GLIS3: variants seen among roughly 807,000 people sequenced by gnomAD.
The protein encoded by GLIS3 is GLIS family zinc finger 3, also known as zinc finger protein GLIS3.
A neutral mutation model predicts 78.6 loss-of-function variants in GLIS3; 53 were observed. That is an observed-to-expected ratio of 0.67 (90% confidence interval 0.54 to 0.85). The LOEUF is 0.85. Among genes scored for constraint, GLIS3 ranks in the 40% least tolerant of loss-of-function variants. GLIS3 has a pLI of 0.00. For synonymous variants in GLIS3, 684 were observed against 509.9 expected, an observed-to-expected ratio of 1.34 and a Z score of -4.60; for missense variants, 1,703 against 1,231.1, an observed-to-expected ratio of 1.38 and a Z score of -5.74.
chr9:4,114,315 G>A (rs1217230214), intron 4 of GLIS3, among the ~76,000 whole-genome samples: 1 of 152,106 alleles, frequency 6.6e-6, no homozygotes, highest in East Asian at 1.9e-4. Flanking sequence ...GCACTCTGTT[G>A]GAACCATTCA....
rs1373302816 is a variant in GLIS3, at chr9:3,898,702, T to G, written c.2117A>C (p.Asp706Ala). 1 of 1,613,944 alleles carries G rather than the reference T, an allele frequency of 6.2e-7. No individual in the cohort carries two copies. Among genetic ancestry groups the G allele is most frequent in the East Asian group, 2.2e-5 (1 of 44,880 alleles). The change falls in exon 7 of 11, where the codon GAC becomes GCC. Residue 706 changes from aspartate (D) to alanine (A), a missense_variant. Asp to Ala is a moderately radical substitution (Grantham distance 126). Transcript: ENST00000381971. ...TVGRSPGPGPDLYSAPIFSSN... is the reference protein window; with the variant it reads ...TVGRSPGPGPALYSAPIFSSN... ...TTTGCTGTCTTTACCTGAATAGAGGTCAGGCCCGGGTCCAGGGGAGCGTCC... is the reference window on the plus strand; with the variant it reads ...TTTGCTGTCTTTACCTGAATAGAGGGCAGGCCCGGGTCCAGGGGAGCGTCC...
At chr9:4,157,161 T>C (rs1046734504) in intron 2 of GLIS3, among the ~76,000 whole-genome samples, 3 of 152,212 alleles carry the variant, frequency 2.0e-5, no homozygotes, top group Admixed American at 2.0e-4. Flanking sequence ...CTATTTGTTA[T>C]GAGCTAGGCT....
intron 4 of GLIS3, chr9:3,975,046 G>T (rs1428788554): frequency 6.6e-6 from 1 of 152,066 alleles, no homozygotes; most frequent in Admixed American, 6.6e-5. Context: ...AGCTGGAATG[G>T]GAAAAGATTA....
chr9:3,886,881 C>G (rs536615552), intron 7 of GLIS3, among the ~76,000 whole-genome samples: 53 of 152,188 alleles, frequency 3.5e-4, no homozygotes, highest in Non-Finnish European at 5.9e-4. Flanking sequence ...CTCAGCTAAT[C>G]TTAGCCTTGC....
chr9:4,045,354 G>C (rs899151442), intron 4 of GLIS3, among the ~76,000 whole-genome samples: 1 of 151,854 alleles, frequency 6.6e-6, no homozygotes, highest in Non-Finnish European at 1.5e-5. Context: ...AATTTTTTTT[G>C]AGCCGGAATC....
intron 6 of GLIS3, among the ~76,000 whole-genome samples, chr9:3,909,422 T>G (rs1823980550): frequency 6.6e-6 from 1 of 152,168 alleles, no homozygotes; most frequent in African/African-American, 2.4e-5. Flanking sequence ...AATGACCAAT[T>G]TGCAAAGAGG....
intron 4 of GLIS3, among the ~76,000 whole-genome samples, chr9:4,055,410 G>A (rs1416271940): frequency 6.6e-6 from 1 of 152,076 alleles, no homozygotes; most frequent in Non-Finnish European, 1.5e-5. Flanking sequence ...CCCCTTTACT[G>A]AACTCTTTCC....
At chr9:3,829,258 G>T in intron 10 of GLIS3, 52 bp downstream of exon 10, 1 of 1,550,174 alleles carries the variant, frequency 6.5e-7, no homozygotes, top group African/African-American at 1.4e-5. Context: ...CAGCCCACCT[G>T]GTCTCTCCTG....
At chr9:4,143,043 A>G (rs1833926431) in intron 2 of GLIS3, among the ~76,000 whole-genome samples, 1 of 152,124 alleles carries the variant, frequency 6.6e-6, no homozygotes, top group African/African-American at 2.4e-5. Flanking sequence ...CTTGCAAAAT[A>G]TCCAGAAAAA....
chr9:4,038,200 T>C (rs1588508969), intron 4 of GLIS3, among the ~76,000 whole-genome samples: 1 of 152,190 alleles, frequency 6.6e-6, no homozygotes, highest in African/African-American at 2.4e-5. Flanking sequence ...TATTTGGGGA[T>C]GATTAGCAGC....
the GLIS3 span, among the ~76,000 whole-genome samples, chr9:4,369,549 T>G: frequency 6.6e-6 from 1 of 152,204 alleles, no homozygotes; most frequent in Non-Finnish European, 1.5e-5. Context: ...AACATTAGCC[T>G]GAGAGTCAGA....
intron 6 of GLIS3, among the ~76,000 whole-genome samples, chr9:3,915,254 C>T (rs2130702999): frequency 6.6e-6 from 1 of 152,246 alleles, no homozygotes; most frequent in South Asian, 2.1e-4. Context: ...TCTTATCATC[C>T]ACCCCCTCCA....
intron 2 of GLIS3, among the ~76,000 whole-genome samples, chr9:4,332,417 C>A (rs891913434): frequency 6.6e-6 from 1 of 152,196 alleles, no homozygotes; most frequent in Admixed American, 6.5e-5. Context: ...AACATCCCTG[C>A]CTTCCTTATA....
chr9:4,421,402 C>G, the GLIS3 span, among the ~76,000 whole-genome samples: 2 of 152,224 alleles, frequency 1.3e-5, no homozygotes, highest in Non-Finnish European at 2.9e-5. Context: ...AAAAAGGAAA[C>G]CAAAGACAGC....
rs972686864 is a variant in GLIS3, at chr9:3,827,217, A to T, written c.*1055T>A. 6.6e-6 allele frequency: 1 copy of T among 151,884 alleles called. No homozygotes were observed. The highest frequency in any genetic ancestry group is 2.4e-5 in the African/African-American group (1 of 41,334). The allele number at this position is 151,884 out of a possible 1,614,324, so 9.4% of individuals were successfully genotyped here. On this transcript the variant is annotated 3_prime_UTR_variant, in exon 11 of 11. Transcript: ENST00000381971. Reference sequence around the variant, plus strand: ...GACAGATGAGTGGATATCCTGAAAAACGTTAGTAAAATCTGAGCACTGGAA... The same window carrying T: ...GACAGATGAGTGGATATCCTGAAAATCGTTAGTAAAATCTGAGCACTGGAA...
chr9:4,060,693 T>G (rs988558785), intron 4 of GLIS3, among the ~76,000 whole-genome samples: 7 of 152,218 alleles, frequency 4.6e-5, no homozygotes, highest in African/African-American at 1.4e-4. Flanking sequence ...AGGCCTTCAC[T>G]GGATGCAACC....
At chr9:3,869,293 G>GTGTGTT (rs1820823653) in intron 8 of GLIS3, among the ~76,000 whole-genome samples, 2 of 142,700 alleles carry the variant, frequency 1.4e-5, no homozygotes, top group Non-Finnish European at 1.5e-5. Context: ...GTGTGTGTGT[G>GTGTGTT]TAAAAGCTGA....
chr9:4,323,068 C>T (rs575679433), intron 2 of GLIS3, among the ~76,000 whole-genome samples: 33 of 152,208 alleles, frequency 2.2e-4, no homozygotes, highest in South Asian at 1.4e-3. Flanking sequence ...AAGTCTTTAA[C>T]GGATCTTGAA....
chr9:3,975,108 CTTATA>C (rs1439960959), intron 4 of GLIS3: 3 of 152,084 alleles, frequency 2.0e-5, no homozygotes, highest in African/African-American at 7.2e-5. Context: ...ACAATATAAT[CTTATA>C]TTGTGAATAT....
Sources: gnomAD v4.1 joint callset for allele counts (sites outside exome capture counted in the v4.1 genomes callset) on GRCh38, gnomAD v4.1.1 for gene constraint, MANE v1.5 for transcripts, NCBI Gene and HGNC (gene_info 2026-07-23, HGNC 2026-07-21) for gene names.